HERC3: variants seen among roughly 807,000 people sequenced by gnomAD.
The protein encoded by HERC3 is probable E3 ubiquitin-protein ligase HERC3.
Under a neutral mutation model 129.9 loss-of-function variants are expected in HERC3, and 58 were observed. That is an observed-to-expected ratio of 0.45 (90% confidence interval 0.36 to 0.56). HERC3 has a LOEUF of 0.56. HERC3 is among the 20% of genes least tolerant of loss of function. The pLI is 0.00. For missense variants in HERC3, 835 were observed against 1,244.2 expected, an observed-to-expected ratio of 0.67 and a Z score of 4.95; for synonymous variants, 430 against 451.0, an observed-to-expected ratio of 0.95 and a Z score of 0.59.
At chr4:88,540,290 G>A in the HERC3 span, among the ~76,000 whole-genome samples, 46 of 152,302 alleles carry the variant, frequency 3.0e-4, no homozygotes, top group Middle Eastern at 6.8e-3. Flanking sequence ...CGAGAACTTC[G>A]TGACACACAC....
the HERC3 span, among the ~76,000 whole-genome samples, chr4:88,571,226 G>T: frequency 1.3e-5 from 2 of 152,140 alleles, no homozygotes; most frequent in African/African-American, 4.8e-5. Flanking sequence ...ATGTGCCAAG[G>T]CACCTGGCTC....
At chr4:88,655,840 A>C in intron 8 of HERC3, 35 bp from the exon 9 acceptor site, 1 of 1,589,550 alleles carries the variant, frequency 6.3e-7, no homozygotes, top group Non-Finnish European at 8.6e-7. Flanking sequence ...ACATTAGTAG[A>C]AACTATGCTG....
chr4:88,669,184 T>C (rs973906817), intron 14 of HERC3, among the ~76,000 whole-genome samples: 1 of 152,176 alleles, frequency 6.6e-6, no homozygotes, highest in African/African-American at 2.4e-5. Flanking sequence ...GTTGTCAGTA[T>C]TTTGCCCATT....
At chr4:88,600,558 C>T (rs980200050) in intron 2 of HERC3, among the ~76,000 whole-genome samples, 1 of 152,244 alleles carries the variant, frequency 6.6e-6, no homozygotes, top group African/African-American at 2.4e-5. Flanking sequence ...GGCTTTCAGC[C>T]TCACATCAGT....
At chr4:88,601,497 T>C (rs1014549929) in intron 2 of HERC3, among the ~76,000 whole-genome samples, 4 of 152,274 alleles carry the variant, frequency 2.6e-5, no homozygotes, top group African/African-American at 9.6e-5. Flanking sequence ...CCTTCATATG[T>C]TGACAGTTCT....
intron 23 of HERC3, among the ~76,000 whole-genome samples, chr4:88,698,938 C>T (rs984393302): frequency 7.2e-6 from 1 of 139,192 alleles, no homozygotes; most frequent in Non-Finnish European, 1.5e-5. Context: ...CCTCCTCACC[C>T]CCTTCTTCCT....
intron 3 of HERC3, among the ~76,000 whole-genome samples, chr4:88,623,904 C>T (rs908907352): frequency 6.6e-6 from 1 of 152,200 alleles, no homozygotes; most frequent in Non-Finnish European, 1.5e-5. Flanking sequence ...ATCATGATAG[C>T]ATTTCCATCA....
intron 3 of HERC3, among the ~76,000 whole-genome samples, chr4:88,649,296 C>G (rs114817711): frequency 6.6e-6 from 1 of 152,052 alleles, no homozygotes; most frequent in Non-Finnish European, 1.5e-5. Context: ...ATCTGTGGGT[C>G]TTGTCTTTTG....
chr4:88,600,344 A>C (rs1430517404), intron 2 of HERC3, among the ~76,000 whole-genome samples: 2 of 152,244 alleles, frequency 1.3e-5, no homozygotes, highest in Non-Finnish European at 2.9e-5. Context: ...TTTCTGAGGA[A>C]ATACAGGATT....
intron 14 of HERC3, among the ~76,000 whole-genome samples, chr4:88,669,121 G>T (rs1731346126): frequency 6.6e-6 from 1 of 152,006 alleles, no homozygotes; most frequent in Admixed American, 6.6e-5. Context: ...ATATTTAAAA[G>T]AATACCCCAA....
intron 23 of HERC3, chr4:88,697,742 C>T (rs1191498841): frequency 6.2e-7 from 1 of 1,608,516 alleles, no homozygotes; most frequent in Admixed American, 1.7e-5. Flanking sequence ...CCCTGGTTTT[C>T]CGAGTCGGCC....
the HERC3 span, among the ~76,000 whole-genome samples, chr4:88,550,002 C>A: frequency 2.0e-5 from 3 of 152,222 alleles, no homozygotes; most frequent in Non-Finnish European, 4.4e-5. Context: ...GGAATCGAAA[C>A]TTTAGCAGGG....
chr4:88,706,877 C>T lies in HERC3; in HGVS notation c.3070C>T (p.Leu1024Phe), dbSNP rs1487458042. The T allele has an allele frequency of 1.2e-6, 2 of 1,614,158 alleles. No individual in the cohort carries two copies. Among genetic ancestry groups the T allele is most frequent in the Non-Finnish European group, 8.5e-7 (1 of 1,180,030 alleles). Reference sequence around the variant, plus strand: ...CCACACTTGCTACAACCTTCTTGACCTCCCCAAGTACAGCAGCAAAGAGAT... The same window carrying T: ...CCACACTTGCTACAACCTTCTTGACTTCCCCAAGTACAGCAGCAAAGAGAT... Reference protein sequence around the residue: ...VAHTCYNLLDLPKYSSKEILS... With the variant: ...VAHTCYNLLDFPKYSSKEILS... Residue 1024 changes from leucine to phenylalanine, a missense_variant, in exon 26 of 26, where the codon CTC becomes TTC. Transcript: ENST00000402738.
At chr4:88,645,971 G>T (rs1252754343) in intron 3 of HERC3, among the ~76,000 whole-genome samples, 1 of 152,154 alleles carries the variant, frequency 6.6e-6, no homozygotes, top group East Asian at 1.9e-4. Context: ...CATAAATAGG[G>T]TATTCACTTT....
intron 23 of HERC3, 65 bp downstream of exon 23, chr4:88,687,364 G>C: frequency 9.2e-7 from 1 of 1,084,840 alleles, no homozygotes; most frequent in Non-Finnish European, 1.3e-6. Context: ...TTACATTTAA[G>C]ACCAAAATAA....
intron 23 of HERC3, chr4:88,690,748 T>C (rs1388176495): frequency 3.1e-6 from 1 of 318,144 alleles, no homozygotes; most frequent in Non-Finnish European, 4.5e-6. Flanking sequence ...TTTTTTGTTC[T>C]CTTTCTGAGT....
the HERC3 span, among the ~76,000 whole-genome samples, chr4:88,543,776 A>G: frequency 6.6e-6 from 1 of 152,122 alleles, no homozygotes; most frequent in Non-Finnish European, 1.5e-5. Context: ...CACATCTACA[A>G]CCATCTGATC....
Position 88,662,507 on chromosome 4 carries a change from C to T in HERC3, c.1223C>T (p.Ala408Val). ...YTSLINDETIAVWRQKLSEHN... is the reference protein window; with the variant it reads ...YTSLINDETIVVWRQKLSEHN... ...AGTTTAATAAATGATGAAACCATAG[C>T]AGTTTGGAGACAAAAACTCTCAGAA... Residue 408 changes from alanine to valine, a missense_variant, in exon 11 of 26, where the codon GCA becomes GTA. Transcript: ENST00000402738. The T allele has an allele frequency of 6.2e-7, 1 of 1,613,480 alleles. No individual in the cohort carries two copies. Among genetic ancestry groups the T allele is most frequent in the Non-Finnish European group, 8.5e-7 (1 of 1,179,522 alleles).
chr4:88,590,688 C>A (rs936521352), upstream of HERC3, among the ~76,000 whole-genome samples: 3 of 152,242 alleles, frequency 2.0e-5, no homozygotes, highest in Admixed American at 2.0e-4. Flanking sequence ...CTCTCACTTT[C>A]TCCTTTGCAA....
Sources: gnomAD v4.1 joint callset for allele counts (sites outside exome capture counted in the v4.1 genomes callset) on GRCh38, gnomAD v4.1.1 for gene constraint, MANE v1.5 for transcripts, NCBI Gene and HGNC (gene_info 2026-07-23, HGNC 2026-07-21) for gene names.